ACAP2: variants seen among roughly 807,000 people sequenced by gnomAD.
The protein encoded by ACAP2 is arf-GAP with coiled-coil, ANK repeat and PH domain-containing protein 2.
ACAP2 carries 39 observed loss-of-function variants against 115.8 expected under a neutral mutation model. That is an observed-to-expected ratio of 0.34 (90% confidence interval 0.26 to 0.44). The LOEUF is 0.44. ACAP2 is among the 20% of genes least tolerant of loss of function. The pLI is 1.00. For missense variants in ACAP2, 662 were observed against 927.6 expected (o/e 0.71, Z 3.72); for synonymous variants, 289 against 315.8 (o/e 0.92, Z 0.90).
intron 4 of ACAP2, among the ~76,000 whole-genome samples, chr3:195,363,182 G>T (rs533548994): frequency 6.6e-6 from 1 of 152,132 alleles, no homozygotes; most frequent in Admixed American, 6.6e-5. Flanking sequence ...AATCAAGGAA[G>T]TAATCCCATT....
At chr3:195,281,455 G>A (rs1362677152) in intron 22 of ACAP2, among the ~76,000 whole-genome samples, 7 of 152,104 alleles carry the variant, frequency 4.6e-5, no homozygotes, top group Non-Finnish European at 1.0e-4. Flanking sequence ...GTCACTTTTT[G>A]TATTTAGTCT....
intron 13 of ACAP2, among the ~76,000 whole-genome samples, chr3:195,304,163 CAAAAAAAAAAAAAAAAAAAA>C (rs56055597): frequency 1.6e-5 from 1 of 63,278 alleles, no homozygotes; most frequent in African/African-American, 7.2e-5. Flanking sequence ...GACTCCATCT[CAAAAAAAAAAAAAAAAAAAA>C]AAAAAAAAAA....
At position 195,320,718 on chromosome 3, in the gene ACAP2, G is replaced by A; in HGVS notation, c.840C>T (p.Ala280=). The change falls in exon 10 of 23, where the codon GCC becomes GCT. Residue 280 remains alanine (A), a synonymous_variant. Transcript: ENST00000326793. Reference sequence around the variant, plus strand: ...TATATTACCTGTTCCAAGTTTTGAAGGCATTGCTGGCTCGTTTGAACAGAT... The same window carrying A: ...TATATTACCTGTTCCAAGTTTTGAAAGCATTGCTGGCTCGTTTGAACAGAT... ...EGYLFKRASN[A]FKTWNRRWFS... is the part of the protein sequence containing the mutation. 1 of 1,612,706 alleles carries A rather than the reference G, an allele frequency of 6.2e-7. No individual in the cohort carries two copies. Among genetic ancestry groups the A allele is most frequent in the East Asian group, 2.2e-5 (1 of 44,762 alleles).
In ACAP2 at chr3:195,406,702, T is replaced by C. The variant is rs186058212; in HGVS notation, c.54-14555A>G. On this transcript the variant is annotated intron_variant, in intron 1 of 22. Transcript: ENST00000326793. ...AGATAGTTTGTATTTTGAGTAAATA[T>C]TTCATATGCCTTTATTCTTGGCCCT... 5.3e-5 allele frequency among the ~76,000 whole-genome samples: 8 copies of C among 152,344 alleles called. No homozygotes were observed. In the South Asian group the frequency reaches 1.0e-3, roughly 20 times the overall value.
intron 22 of ACAP2, among the ~76,000 whole-genome samples, chr3:195,281,166 G>C (rs895780266): frequency 3.9e-5 from 6 of 152,342 alleles, no homozygotes; most frequent in African/African-American, 1.4e-4. Flanking sequence ...AGCACTTTGA[G>C]AGGCCGAGAC....
intron 22 of ACAP2, chr3:195,285,442 G>T (rs1387797160): frequency 1.6e-5 from 3 of 190,492 alleles, no homozygotes; most frequent in African/African-American, 7.0e-5. Context: ...CAACTATTTT[G>T]CTGCTGTAAG....
At chr3:195,423,054 T>A (rs1305290675) in intron 1 of ACAP2, among the ~76,000 whole-genome samples, 2 of 152,024 alleles carry the variant, frequency 1.3e-5, no homozygotes, top group Non-Finnish European at 2.9e-5. Context: ...CAGGCACAAA[T>A]GGGAACATTT....
In ACAP2 at chr3:195,302,153, G is replaced by A; in HGVS notation, c.1138C>T (p.Pro380Ser). ...ESEKLDKKSS[P>S]STGSLDSGNE... ...CCAGAATCTAGGCTTCCTGTGGATG[G>A]AGATGATTTCTTATCCAGCTTCTAA... Residue 380 changes from proline (P) to serine (S), a missense_variant, in exon 14 of 23, where the codon CCA becomes TCA. By Grantham distance (74) the Pro-to-Ser change is moderately conservative. Transcript: ENST00000326793. 6.2e-7 allele frequency: 1 copy of A among 1,613,234 alleles called. No individual in the cohort carries two copies. The highest frequency in any genetic ancestry group is 8.5e-7 in the Non-Finnish European group (1 of 1,179,718).
rs143878949 is a variant in ACAP2, at chr3:195,430,821, T to C, written c.53+11974A>G. Reference sequence around the variant, plus strand: ...GCGAAAGAAATATGGAGGCTCAACATGTATTTTCTATTCCACCTATGCGTT... The same window carrying C: ...GCGAAAGAAATATGGAGGCTCAACACGTATTTTCTATTCCACCTATGCGTT... On this transcript the variant is annotated intron_variant, in intron 1 of 22. Transcript: ENST00000326793. 2.0e-5 allele frequency among the ~76,000 whole-genome samples: 3 copies of C among 152,324 alleles called. No individual in the cohort carries two copies. The South Asian group carries it at 6.2e-4, about 32-fold the overall frequency.
In ACAP2 at chr3:195,342,405, A is replaced by G; in HGVS notation, c.528+66T>C. ...AGTATTTATTCTTCTTAGGGCGATC[A>G]CTCAAAAGTAACAACCTGTTTAAGT... On this transcript the variant is annotated intron_variant, in intron 6 of 22. Coordinates refer to ENST00000326793, the MANE Select transcript of ACAP2 (RefSeq NM_012287.6). The G allele has an allele frequency of 4.9e-6, 7 of 1,417,748 alleles. No individual in the cohort carries two copies. The South Asian group carries it at 1.0e-4, about 21-fold the overall frequency. The allele number at this position is 1,417,748 out of a possible 1,614,324, so 87.8% of individuals were successfully genotyped here.
At chr3:195,407,754 A>G (rs1383744905) in intron 1 of ACAP2, among the ~76,000 whole-genome samples, 1 of 152,206 alleles carries the variant, frequency 6.6e-6, no homozygotes, top group Non-Finnish European at 1.5e-5. Context: ...TGACTTAAGG[A>G]ACCAGAAAGA....
chr3:195,292,822 T>G (rs745672656), intron 18 of ACAP2, among the ~76,000 whole-genome samples: 1 of 145,792 alleles, frequency 6.9e-6, no homozygotes, highest in Non-Finnish European at 1.5e-5. Flanking sequence ...CCTGGGAGAC[T>G]GAGGGACGAG....
intron 15 of ACAP2, among the ~76,000 whole-genome samples, chr3:195,300,864 A>C (rs577977603): frequency 5.5e-4 from 83 of 152,198 alleles, no homozygotes; most frequent in Non-Finnish European, 1.0e-3. Context: ...GAAAAATACA[A>C]AAATTAGCCA....
intron 1 of ACAP2, among the ~76,000 whole-genome samples, chr3:195,402,814 C>T (rs1712426971): frequency 6.6e-6 from 1 of 152,158 alleles, no homozygotes; most frequent in Non-Finnish European, 1.5e-5. Flanking sequence ...TTTTAAAAAA[C>T]ACCATTCCTA....
chr3:195,378,017 G>T (rs1733668865), intron 4 of ACAP2, among the ~76,000 whole-genome samples: 1 of 143,464 alleles, frequency 7.0e-6, no homozygotes, highest in African/African-American at 2.5e-5. Context: ...TCAACAGAGA[G>T]TATGAGGTTT....
rs931228702 is a variant in ACAP2 at position 195,409,129 on chromosome 3, A to G, written c.54-16982T>C. On this transcript the variant is annotated intron_variant, in intron 1 of 22. Coordinates refer to ENST00000326793, the MANE Select transcript of ACAP2 (RefSeq NM_012287.6). ...GAAAAAAAAAAAAGGAATCAAATTG[A>G]AAAGGAAGAAGTAAAAGTATTTCTG... Among the ~76,000 whole-genome samples the G allele has an allele frequency of 9.2e-5, 14 of 152,090 alleles. No individual in the cohort carries two copies. The South Asian group carries it at 1.5e-3, about 16-fold the overall frequency.
At chr3:195,325,966 A>C (rs985286018) in intron 9 of ACAP2, among the ~76,000 whole-genome samples, 2 of 152,220 alleles carry the variant, frequency 1.3e-5, no homozygotes, top group Non-Finnish European at 2.9e-5. Context: ...TCTTGTAGAA[A>C]TCTTTCCTTT....
intron 1 of ACAP2, among the ~76,000 whole-genome samples, chr3:195,402,137 A>G (rs1357363504): frequency 1.3e-5 from 2 of 152,222 alleles, no homozygotes; most frequent in African/African-American, 4.8e-5. Flanking sequence ...TGAGGGCCTC[A>G]AAAGCAGACA....
Position 195,441,344 on chromosome 3 carries a change from T to C in ACAP2, c.53+1451A>G, listed in dbSNP as rs191993906. ...TGCACGCCTGTCCTAGGAAATCTATTTGTGTCTCTTGAGTCCTTCAATAAT... is the reference window on the plus strand; with the variant it reads ...TGCACGCCTGTCCTAGGAAATCTATCTGTGTCTCTTGAGTCCTTCAATAAT... On this transcript the variant is annotated intron_variant, in intron 1 of 22. Coordinates refer to ENST00000326793, the MANE Select transcript of ACAP2 (RefSeq NM_012287.6). Among the ~76,000 whole-genome samples, 3 of 152,334 alleles carry C rather than the reference T, an allele frequency of 2.0e-5. No individual in the cohort carries two copies. In the East Asian group the frequency reaches 5.8e-4, roughly 29 times the overall value.
Sources: allele counts gnomAD v4.1 joint callset (sites outside exome capture counted in the v4.1 genomes callset), GRCh38; gene constraint gnomAD v4.1.1; transcripts MANE v1.5; gene names NCBI Gene and HGNC (gene_info 2026-07-23, HGNC 2026-07-21).